LRP1B: variants seen among roughly 807,000 people sequenced by gnomAD.
The protein encoded by LRP1B is LDL receptor related protein 1B, also known as low-density lipoprotein receptor-related protein 1B.
In LRP1B, 217 loss-of-function variants were observed where a neutral mutation model predicts 556.6. The observed-to-expected ratio is 0.39, with a 90% CI of 0.35 to 0.44. The LOEUF (loss-of-function observed/expected upper bound fraction) is 0.44, where lower values mean the gene tolerates loss of function less well. Among genes scored for constraint, LRP1B ranks in the 20% least tolerant of loss-of-function variants. The pLI is 1.00. For missense variants in LRP1B, 5,053 were observed against 5,620.8 expected (o/e 0.90, Z 3.23); for synonymous variants, 2,047 against 1,865.8 (o/e 1.10, Z -2.50).
At chr2:141,146,012 C>T (rs544251396) in intron 7 of LRP1B, among the ~76,000 whole-genome samples, 25 of 149,416 alleles carry the variant, frequency 1.7e-4, no homozygotes, top group Admixed American at 4.7e-4. Context: ...GCAACCTTCA[C>T]CTCCTAAGTT....
chr2:140,294,825 TGA>T (rs1231604938), intron 84 of LRP1B, among the ~76,000 whole-genome samples: 2 of 151,976 alleles, frequency 1.3e-5, no homozygotes, highest in African/African-American at 4.8e-5. Flanking sequence ...AGGAGGGGAA[TGA>T]GAGTGGTGAA....
Position 140,457,594 on chromosome 2 carries a change from T to C in LRP1B, c.9683A>G (p.Tyr3228Cys). ...IALTLFEDYI[Y>C]WTDGKTKSLS... ...TGACTTGGTTTTCCCATCAGTCCAG[T>C]AGATGTAGTCTTCAAACAATGTTAG... Residue 3228 changes from tyrosine (Y) to cysteine (C), a missense_variant, in exon 61 of 91, where the codon TAC becomes TGC. Physicochemically the swap from Tyr to Cys is radical, Grantham distance 194. This residue lies in a region of LRP1B where 262 missense variants were observed against 395.1 expected (regional missense o/e 0.66). Transcript: ENST00000389484. 6.2e-7 allele frequency: 1 copy of C among 1,613,816 alleles called. No homozygotes were observed. The highest frequency in any genetic ancestry group is 8.5e-7 in the Non-Finnish European group (1 of 1,179,760).
chr2:141,911,179 TA>T (rs1699899157), intron 1 of LRP1B, among the ~76,000 whole-genome samples: 2 of 152,166 alleles, frequency 1.3e-5, no homozygotes, highest in Non-Finnish European at 2.9e-5. Flanking sequence ...TTGGTTGGCT[TA>T]AAACCCTAAG....
At chr2:141,715,034 C>A (rs1215059237) in intron 2 of LRP1B, among the ~76,000 whole-genome samples, 3 of 152,240 alleles carry the variant, frequency 2.0e-5, no homozygotes, top group Non-Finnish European at 4.4e-5. Context: ...CCAAAAGCTT[C>A]ATTGAGATCA....
intron 1 of LRP1B, among the ~76,000 whole-genome samples, chr2:141,922,067 C>A (rs991492336): frequency 3.9e-5 from 6 of 152,042 alleles, no homozygotes; most frequent in African/African-American, 1.4e-4. Flanking sequence ...GGAAAAGAAT[C>A]TAAAGAATTC....
chr2:140,583,377 C>T (rs912006117), intron 43 of LRP1B, among the ~76,000 whole-genome samples: 5 of 151,628 alleles, frequency 3.3e-5, no homozygotes, highest in East Asian at 3.9e-4. Flanking sequence ...GGTTTCACCA[C>T]GCTGGCCAGG....
intron 3 of LRP1B, among the ~76,000 whole-genome samples, chr2:141,410,871 T>A (rs1192937726): frequency 6.6e-6 from 1 of 152,048 alleles, no homozygotes; most frequent in Non-Finnish European, 1.5e-5. Context: ...TACTTTAAGC[T>A]GTAACACAAT....
intron 43 of LRP1B, among the ~76,000 whole-genome samples, chr2:140,585,947 C>T (rs1681967265): frequency 6.6e-6 from 1 of 152,084 alleles, no homozygotes; most frequent in South Asian, 2.1e-4. Flanking sequence ...TGTTTAAATT[C>T]ATTGGCAATG....
chr2:141,075,668 A>G (rs902126662), intron 7 of LRP1B, among the ~76,000 whole-genome samples: 3 of 152,138 alleles, frequency 2.0e-5, no homozygotes, highest in Non-Finnish European at 4.4e-5. Context: ...AGGAAGTCCT[A>G]TTGGCTTGTA....
intron 3 of LRP1B, among the ~76,000 whole-genome samples, chr2:141,360,984 C>T (rs1688806919): frequency 6.6e-6 from 1 of 152,070 alleles, no homozygotes; most frequent in Non-Finnish European, 1.5e-5. Context: ...AAGTACCTCC[C>T]CAAATAAATA....
At chr2:140,828,603 C>T (rs534153674) in intron 31 of LRP1B, among the ~76,000 whole-genome samples, 2,430 of 26,536 alleles carry the variant, frequency 0.092, 41 homozygotes, top group Middle Eastern at 0.35. Flanking sequence ...AGCGAGACTC[C>T]GTCTCAAAAA....
At chr2:142,026,526 A>G (rs970423953) in intron 1 of LRP1B, among the ~76,000 whole-genome samples, 6 of 152,116 alleles carry the variant, frequency 3.9e-5, no homozygotes, top group Admixed American at 3.9e-4. Context: ...TTCTATCTCA[A>G]CAAACCTCTA....
intron 43 of LRP1B, among the ~76,000 whole-genome samples, chr2:140,556,059 T>C (rs1311611530): frequency 6.6e-6 from 1 of 152,090 alleles, no homozygotes; most frequent in Non-Finnish European, 1.5e-5. Context: ...GGAAATCAAA[T>C]AATTGTGTTT....
In LRP1B at chr2:141,356,642, T is replaced by C. The variant is rs1688636829; in HGVS notation, c.344-102001A>G. 1.3e-5 allele frequency among the ~76,000 whole-genome samples: 2 copies of C among 151,810 alleles called. 1 individual carries two copies. The highest frequency in any genetic ancestry group is 4.1e-4 in the South Asian group (2 of 4,828). ...AATTACCTAGAATTCTTGTAGATAGTTTTCAAATAAATACCTTGGCTAATA... is the reference window on the plus strand; with the variant it reads ...AATTACCTAGAATTCTTGTAGATAGCTTTCAAATAAATACCTTGGCTAATA... On this transcript the variant is annotated intron_variant, in intron 3 of 90. Transcript: ENST00000389484.
At position 140,677,757 on chromosome 2, in the gene LRP1B, T is replaced by C. The variant is rs545449994; in HGVS notation, c.6799+22493A>G. Among the ~76,000 whole-genome samples, 486 of 151,460 alleles carry C rather than the reference T, an allele frequency of 3.2e-3. 4 individuals are homozygous for C. Among genetic ancestry groups the C allele is most frequent in the African/African-American group, 9.7e-3 (399 of 41,242 alleles). On this transcript the variant is annotated intron_variant, in intron 41 of 90. Coordinates refer to ENST00000389484, the MANE Select transcript of LRP1B (RefSeq NM_018557.3). ...CAGGCTTGGTGGCAGGCACCTGTAA[T>C]CCCAGCTACTCGGGAGGCTGAGGCG...
At chr2:140,681,081 T>C (rs1685844480) in intron 41 of LRP1B, among the ~76,000 whole-genome samples, 1 of 152,154 alleles carries the variant, frequency 6.6e-6, no homozygotes, top group South Asian at 2.1e-4. Flanking sequence ...TTGAACAAAG[T>C]TGTTAACACA....
At chr2:140,597,356 C>T (rs1682483727) in intron 43 of LRP1B, among the ~76,000 whole-genome samples, 1 of 151,894 alleles carries the variant, frequency 6.6e-6, no homozygotes, top group Non-Finnish European at 1.5e-5. Flanking sequence ...TGGGGAAGTG[C>T]AAAATAGGTA....
chr2:140,356,914 G>A (rs1211895376), intron 74 of LRP1B, among the ~76,000 whole-genome samples: 1 of 151,760 alleles, frequency 6.6e-6, no homozygotes, highest in African/African-American at 2.4e-5. Flanking sequence ...CAAGGGTACT[G>A]CTAAGTTACT....
At chr2:141,270,216 A>C (rs1454088083) in intron 3 of LRP1B, among the ~76,000 whole-genome samples, 5 of 152,244 alleles carry the variant, frequency 3.3e-5, no homozygotes, top group Admixed American at 2.6e-4. Flanking sequence ...AAAAATAAAA[A>C]CCACAATGAA....
Sources: allele counts gnomAD v4.1 joint callset (sites outside exome capture counted in the v4.1 genomes callset), GRCh38; gene constraint gnomAD v4.1.1; regional missense constraint gnomAD v4.1.1; transcripts MANE v1.5; gene names NCBI Gene and HGNC (gene_info 2026-07-23, HGNC 2026-07-21).